Variants in STK3 observed in about 807,000 individuals in gnomAD.
The protein encoded by STK3 is serine/threonine-protein kinase 3.
Under a neutral mutation model 58.0 loss-of-function variants are expected in STK3, and 41 were observed. The observed-to-expected ratio is 0.71, with a 90% CI of 0.55 to 0.92. STK3 has a LOEUF of 0.92. STK3 is among the 40% of genes least tolerant of loss of function. STK3 has a pLI of 0.00. For synonymous variants in STK3, 170 were observed against 191.0 expected, an observed-to-expected ratio of 0.89 and a Z score of 0.91; for missense variants, 479 against 602.7, an observed-to-expected ratio of 0.79 and a Z score of 2.15.
chr8:98,542,581 T>C (rs1465658215), intron 9 of STK3, among the ~76,000 whole-genome samples: 1 of 152,186 alleles, frequency 6.6e-6, no homozygotes, highest in Non-Finnish European at 1.5e-5. Flanking sequence ...AGAACAGAGT[T>C]GCTCGATAGC....
chr8:98,478,534 C>T (rs1489361152), intron 10 of STK3, among the ~76,000 whole-genome samples: 1 of 152,174 alleles, frequency 6.6e-6, no homozygotes. Flanking sequence ...TAGAAAAATC[C>T]TTATTACTCC....
At chr8:98,901,160 A>G (rs1019901710) in intron 1 of STK3, among the ~76,000 whole-genome samples, 1 of 152,156 alleles carries the variant, frequency 6.6e-6, no homozygotes, top group Non-Finnish European at 1.5e-5. Flanking sequence ...CCTCAGCTCC[A>G]CCACTTATCA....
chr8:98,454,263 C>T (rs114814348), downstream of STK3, among the ~76,000 whole-genome samples: 47 of 152,314 alleles, frequency 3.1e-4, no homozygotes, highest in African/African-American at 1.1e-3. Flanking sequence ...CTGACTCCCT[C>T]GAAGTTAGGA....
chr8:98,447,928 TG>T (rs2131112113), intron 1 of STK3, among the ~76,000 whole-genome samples: 1 of 144,954 alleles, frequency 6.9e-6, no homozygotes, highest in South Asian at 2.2e-4. Context: ...ACCTGCACAT[TG>T]TGCACATGTA....
chr8:98,721,126 T>C (rs567625980), intron 4 of STK3: 1 of 985,064 alleles, frequency 1.0e-6, no homozygotes, highest in African/African-American at 1.7e-5. Flanking sequence ...AATGGGTGGC[T>C]TTATGAGCAT....
intron 6 of STK3, among the ~76,000 whole-genome samples, chr8:98,684,202 T>C (rs1254700535): frequency 6.6e-6 from 1 of 152,186 alleles, no homozygotes; most frequent in Non-Finnish European, 1.5e-5. Flanking sequence ...AGGCTCATTA[T>C]TTTCATATTG....
chr8:98,815,343 T>G (rs1834478121), intron 1 of STK3, among the ~76,000 whole-genome samples: 1 of 152,228 alleles, frequency 6.6e-6, no homozygotes, highest in South Asian at 2.1e-4. Context: ...TTATCCTATC[T>G]ATGAATAAAA....
intron 10 of STK3, among the ~76,000 whole-genome samples, chr8:98,471,108 G>C (rs980382044): frequency 1.3e-5 from 2 of 152,242 alleles, no homozygotes; most frequent in South Asian, 4.1e-4. Context: ...CTTACAGCTC[G>C]ATCACTGGCT....
chr8:98,942,365 G>C (rs1840469501), intron 1 of STK3: 1 of 152,262 alleles, frequency 6.6e-6, no homozygotes, highest in Non-Finnish European at 1.5e-5. Context: ...GGAGCTCGCC[G>C]ACTCTTCCCT....
chr8:98,650,998 C>G (rs1820869117), intron 6 of STK3, among the ~76,000 whole-genome samples: 1 of 152,232 alleles, frequency 6.6e-6, no homozygotes, highest in Admixed American at 6.5e-5. Flanking sequence ...GTGGTTCTCC[C>G]AGCACGCAGC....
intron 6 of STK3, among the ~76,000 whole-genome samples, chr8:98,700,808 T>C (rs137951377): frequency 1.3e-5 from 2 of 152,300 alleles, no homozygotes; most frequent in African/African-American, 4.8e-5. Flanking sequence ...ATCCATACAG[T>C]TCTTTCCTTA....
intron 1 of STK3, among the ~76,000 whole-genome samples, chr8:98,439,640 GGT>G (rs1818620420): frequency 6.6e-6 from 1 of 152,138 alleles, no homozygotes; most frequent in Admixed American, 6.5e-5. Flanking sequence ...TCAGAGCAGT[GGT>G]CAACACATGC....
intron 3 of STK3, chr8:98,413,439 A>T (rs751849089): frequency 1.7e-6 from 1 of 577,088 alleles, no homozygotes; most frequent in Non-Finnish European, 3.4e-6. Flanking sequence ...CCTGGGGTCC[A>T]GAGTCTTGTG....
intron 4 of STK3, among the ~76,000 whole-genome samples, chr8:98,724,920 T>C (rs189797837): frequency 1.3e-5 from 2 of 152,200 alleles, no homozygotes. Context: ...TAAAGAATCA[T>C]ATATTGCTTA....
intron 1 of STK3, among the ~76,000 whole-genome samples, chr8:98,917,464 C>T (rs1375438284): frequency 1.3e-5 from 2 of 152,214 alleles, no homozygotes; most frequent in East Asian, 3.9e-4. Flanking sequence ...ATCCTAACCC[C>T]CAATTTGATG....
rs142534959 is a variant in STK3 at position 98,553,022 on chromosome 8, G to T, written c.949-4861C>A. Among the ~76,000 whole-genome samples the T allele has an allele frequency of 4.2e-3, 645 of 152,270 alleles. 3 individuals carry two copies. Among genetic ancestry groups the T allele is most frequent in the African/African-American group, 0.015 (614 of 41,574 alleles). ...CAATCTATTAAGTGCTACAAGAAAA[G>T]TGTTGACAGTAAAATGGGAATACCA... On this transcript the variant is annotated intron_variant, in intron 8 of 10. Coordinates refer to ENST00000419617, the MANE Select transcript of STK3 (RefSeq NM_006281.4).
At chr8:98,626,315 G>A (rs1818710224) in intron 6 of STK3, among the ~76,000 whole-genome samples, 2 of 152,144 alleles carry the variant, frequency 1.3e-5, no homozygotes, top group Non-Finnish European at 2.9e-5. Context: ...TCCCAAAAAA[G>A]GTAGAAATAC....
rs774944594 is a variant in STK3 at position 98,767,371 on chromosome 8, C to T, written c.108G>A (p.Gly36=). ...VFDVLEKLGE[G]SYGSVFKAIH... Reference sequence around the variant, plus strand: ...TTGCTTTAAATACACTTCCATAAGACCTAAAAGAAACCAAGACATTATTTT... The same window carrying T: ...TTGCTTTAAATACACTTCCATAAGATCTAAAAGAAACCAAGACATTATTTT... The change falls in exon 3 of 11, where the codon GGG becomes GGA. Residue 36 remains glycine (G), a splice_region_variant and synonymous_variant. Transcript: ENST00000419617. 4 of 1,591,324 alleles carry T rather than the reference C, an allele frequency of 2.5e-6. No homozygotes were observed. In the Admixed American group the frequency reaches 7.6e-5, roughly 30 times the overall value.
intron 1 of STK3, among the ~76,000 whole-genome samples, chr8:98,793,567 G>A (rs1020826169): frequency 6.6e-6 from 1 of 152,048 alleles, no homozygotes; most frequent in Admixed American, 6.5e-5. Context: ...CCTAGGAAAA[G>A]ACTTAAACAA....
Sources: gnomAD v4.1 joint callset for allele counts (sites outside exome capture counted in the v4.1 genomes callset) on GRCh38, gnomAD v4.1.1 for gene constraint, MANE v1.5 for transcripts, NCBI Gene and HGNC (gene_info 2026-07-23, HGNC 2026-07-21) for gene names.